The following NRIP1 variants were observed in gnomAD, a reference collection of about 807,000 sequenced individuals.
The protein encoded by NRIP1 is nuclear receptor-interacting protein 1.
A neutral mutation model predicts 75.0 loss-of-function variants in NRIP1; 28 were observed. That is an observed-to-expected ratio of 0.37 (90% CI 0.28 to 0.51). The LOEUF is 0.51. Among genes scored for constraint, NRIP1 ranks in the 20% least tolerant of loss-of-function variants. The probability of loss-of-function intolerance (pLI) is 0.92; values close to 1 mark genes in which losing one functional copy is unlikely to be tolerated. For missense variants in NRIP1, 1,435 were observed against 1,343.7 expected (o/e 1.07, Z -1.06); for synonymous variants, 526 against 487.6 (o/e 1.08, Z -1.04).
In NRIP1 at chr21:14,968,201, G is replaced by C. The variant is rs945266863; in HGVS notation, c.-9C>G. On this transcript the variant is annotated 5_prime_UTR_variant, in exon 4 of 4. Coordinates refer to ENST00000318948, the MANE Select transcript of NRIP1 (RefSeq NM_003489.4). Reference sequence around the variant, plus strand: ...TCTTCTCCATGAGTCATGTTCAATAGAAGTGTTCACAAGGGCTTGGTTTCT... The same window carrying C: ...TCTTCTCCATGAGTCATGTTCAATACAAGTGTTCACAAGGGCTTGGTTTCT... 1 of 1,587,002 alleles carries C rather than the reference G, an allele frequency of 6.3e-7. No homozygotes were observed. Among genetic ancestry groups the C allele is most frequent in the Non-Finnish European group, 8.6e-7 (1 of 1,163,918 alleles).
At chr21:14,995,003 C>T (rs564787150) in intron 3 of NRIP1, among the ~76,000 whole-genome samples, 15 of 152,196 alleles carry the variant, frequency 9.9e-5, no homozygotes, top group Admixed American at 2.0e-4. Context: ...TTTGCCATCA[C>T]TCAGTAGTAT....
At chr21:15,045,517 G>C (rs2089053302) in intron 1 of NRIP1, among the ~76,000 whole-genome samples, 1 of 152,224 alleles carries the variant, frequency 6.6e-6, no homozygotes, top group Non-Finnish European at 1.5e-5. Context: ...TCTTTAGAGA[G>C]TTTTACTCTT....
At position 14,963,259 on chromosome 21, in the gene NRIP1, A is replaced by C. The variant is rs900173043; in HGVS notation, c.*1457T>G. 1 of 152,482 alleles carries C rather than the reference A, an allele frequency of 6.6e-6. No individual in the cohort carries two copies. The highest frequency in any genetic ancestry group is 2.4e-5 in the African/African-American group (1 of 41,426). The allele number at this position is 152,482 out of a possible 1,614,324, so 9.4% of individuals were successfully genotyped here. On this transcript the variant is annotated 3_prime_UTR_variant, in exon 4 of 4. Transcript: ENST00000318948. ...CATTGTTCTTAGGACAATGGTTTTAATAAAGGTTAAGGATGCATTCAGGAG... is the reference window on the plus strand; with the variant it reads ...CATTGTTCTTAGGACAATGGTTTTACTAAAGGTTAAGGATGCATTCAGGAG...
At chr21:15,008,819 T>C (rs979083363) in intron 3 of NRIP1, among the ~76,000 whole-genome samples, 1 of 152,220 alleles carries the variant, frequency 6.6e-6, no homozygotes, top group Non-Finnish European at 1.5e-5. Context: ...AAAAGACTAC[T>C]TTCATACTAC....
intron 2 of NRIP1, among the ~76,000 whole-genome samples, chr21:15,015,740 T>C (rs988000940): frequency 1.1e-4 from 17 of 152,268 alleles, no homozygotes; most frequent in African/African-American, 3.8e-4. Context: ...TTCAGCATAA[T>C]TGAATTTTTG....
intron 1 of NRIP1, among the ~76,000 whole-genome samples, chr21:15,063,097 T>G (rs766829335): frequency 6.6e-6 from 1 of 152,108 alleles, no homozygotes; most frequent in Admixed American, 6.5e-5. Flanking sequence ...TGGAAAGAGG[T>G]CTTTCTCCAC....
chr21:15,011,519 T>C (rs2088103323), intron 3 of NRIP1, among the ~76,000 whole-genome samples: 1 of 152,150 alleles, frequency 6.6e-6, no homozygotes, highest in African/African-American at 2.4e-5. Flanking sequence ...AAAATTTATA[T>C]AGATATTTTA....
Position 15,014,390 on chromosome 21 carries a change from G to T in NRIP1, c.-381C>A. ...CCTCTGCTTTCTGAGAAAGAAAATT[G>T]AGAAGGCTGTTGAAAAGTAGCTCTG... On this transcript the variant is annotated 5_prime_UTR_variant, in exon 3 of 4. Coordinates refer to ENST00000318948, the MANE Select transcript of NRIP1 (RefSeq NM_003489.4). The T allele has an allele frequency of 2.5e-6, 1 of 398,280 alleles. No individual in the cohort carries two copies. The highest frequency in any genetic ancestry group is 1.3e-4 in the South Asian group (1 of 7,838). 24.7% of individuals were successfully genotyped at this position (398,280 alleles called of 1,614,324 possible). A position where few individuals can be genotyped will look rare whatever the true frequency, so the allele number is the denominator to read the frequency against.
chr21:14,981,108 G>A (rs2087220919), intron 3 of NRIP1, among the ~76,000 whole-genome samples: 1 of 152,056 alleles, frequency 6.6e-6, no homozygotes, highest in African/African-American at 2.4e-5. Flanking sequence ...CCATCCTACA[G>A]GATTAAGGAA....
chr21:14,965,862 C>G lies in NRIP1; in HGVS notation c.2331G>C (p.Lys777Asn). Residue 777 changes from lysine (K) to asparagine (N), a missense_variant, in exon 4 of 4, where the codon AAG becomes AAC. Physicochemically the swap from Lys to Asn is moderately conservative, Grantham distance 94. Transcript: ENST00000318948. The part of the protein sequence containing the change: ...NTNVHLSHDA[K>N]SAPFLGMAPA... ...GAGCCATACCCAAGAATGGGGCACT[C>G]TTAGCATCATGGCTCAAGTGCACAT... 6.2e-7 allele frequency: 1 copy of G among 1,614,068 alleles called. No homozygotes were observed. The highest frequency in any genetic ancestry group is 8.5e-7 in the Non-Finnish European group (1 of 1,179,988).
intron 3 of NRIP1, among the ~76,000 whole-genome samples, chr21:14,987,026 C>T (rs970941426): frequency 6.6e-6 from 1 of 152,076 alleles, no homozygotes; most frequent in African/African-American, 2.4e-5. Context: ...ATGCTTAATC[C>T]CCTTTATAAC....
chr21:15,036,074 A>AT (rs1462895126), intron 2 of NRIP1, among the ~76,000 whole-genome samples: 8 of 152,196 alleles, frequency 5.3e-5, no homozygotes, highest in Admixed American at 5.2e-4. Flanking sequence ...TTGTGAGGTT[A>AT]TATCCATTTC....
chr21:15,040,520 A>G (rs1002633238), intron 2 of NRIP1, among the ~76,000 whole-genome samples: 1 of 152,150 alleles, frequency 6.6e-6, no homozygotes, highest in Non-Finnish European at 1.5e-5. Context: ...AACGCTTGTC[A>G]GGAATGCTGA....
chr21:14,966,285 T>C lies in NRIP1; in HGVS notation c.1908A>G (p.Gln636=), dbSNP rs776298028. Residue 636 remains glutamine, a synonymous_variant, in exon 4 of 4, where the codon CAA becomes CAG. Transcript: ENST00000318948. Reference sequence around the variant, plus strand: ...CTGACATGGATGACTGCATTCCACATTGTGCTAAATTTTGTAACAGCTTAC... The same window carrying C: ...CTGACATGGATGACTGCATTCCACACTGTGCTAAATTTTGTAACAGCTTAC... ...SASKLLQNLA[Q]CGMQSSMSVE... is the part of the protein sequence containing the mutation. 6.2e-6 allele frequency: 10 copies of C among 1,614,024 alleles called. No individual in the cohort carries two copies. Among genetic ancestry groups the C allele is most frequent in the East Asian group, 4.5e-5 (2 of 44,898 alleles).
At chr21:15,048,131 C>A (rs1195070746) in intron 1 of NRIP1, among the ~76,000 whole-genome samples, 1 of 152,030 alleles carries the variant, frequency 6.6e-6, no homozygotes, top group East Asian at 1.9e-4. Flanking sequence ...AAAACAATCA[C>A]AATAGTAACA....
intron 3 of NRIP1, among the ~76,000 whole-genome samples, chr21:15,008,022 C>T (rs182491291): frequency 4.6e-5 from 7 of 152,290 alleles, no homozygotes; most frequent in Non-Finnish European, 8.8e-5. Flanking sequence ...AGGTACACAA[C>T]GCATTCCCAG....
intron 3 of NRIP1, among the ~76,000 whole-genome samples, chr21:14,974,642 T>C (rs2086999679): frequency 6.6e-6 from 1 of 152,202 alleles, no homozygotes; most frequent in Non-Finnish European, 1.5e-5. Flanking sequence ...CACACACCCT[T>C]TGAAGAAAAC....
At chr21:15,018,592 T>C (rs2088291902) in intron 2 of NRIP1, among the ~76,000 whole-genome samples, 1 of 151,970 alleles carries the variant, frequency 6.6e-6, no homozygotes, top group Non-Finnish European at 1.5e-5. Context: ...ATGACCAAAG[T>C]AGGTAGTAAT....
intron 3 of NRIP1, among the ~76,000 whole-genome samples, chr21:14,982,838 CA>C (rs141814058): frequency 0.016 from 2,440 of 151,814 alleles, 70 homozygotes; most frequent in African/African-American, 0.055. Flanking sequence ...GTATTTCTCA[CA>C]ATATTTCAAG....
Sources: allele counts gnomAD v4.1 joint callset (sites outside exome capture counted in the v4.1 genomes callset), GRCh38; gene constraint gnomAD v4.1.1; transcripts MANE v1.5; gene names NCBI Gene and HGNC (gene_info 2026-07-23, HGNC 2026-07-21).